Variants in CPAMD8 observed in about 807,000 individuals in gnomAD.
The protein encoded by CPAMD8 is C3 and PZP like alpha-2-macroglobulin domain containing 8.
A neutral mutation model predicts 224.7 loss-of-function variants in CPAMD8; 146 were observed. That is an observed-to-expected ratio of 0.65 (90% CI 0.57 to 0.75). The LOEUF is 0.75. Among genes scored for constraint, CPAMD8 ranks in the 30% least tolerant of loss-of-function variants. The probability of loss-of-function intolerance (pLI) is 0.00; values close to 1 mark genes in which losing one functional copy is unlikely to be tolerated. For synonymous variants in CPAMD8, 966 were observed against 1,044.6 expected (o/e 0.92, Z 1.45); for missense variants, 2,301 against 2,537.5 (o/e 0.91, Z 2.00).
intron 5 of CPAMD8, 172 bp from the exon 6 acceptor site, chr19:17,009,492 G>C: frequency 2.6e-6 from 3 of 1,160,998 alleles, no homozygotes; most frequent in Non-Finnish European, 3.6e-6. Flanking sequence ...TCTTTAGAAA[G>C]ACTCATTACA....
chr19:16,918,441 AC>A (rs1568473947), intron 27 of CPAMD8, among the ~76,000 whole-genome samples: 1 of 146,212 alleles, frequency 6.8e-6, no homozygotes. Flanking sequence ...AATTTTTAAA[AC>A]TTTTTTTTTT....
intron 23 of CPAMD8, among the ~76,000 whole-genome samples, chr19:16,934,106 T>C (rs1430242729): frequency 6.6e-6 from 1 of 152,192 alleles, no homozygotes; most frequent in Non-Finnish European, 1.5e-5. Context: ...TCCATTTATA[T>C]AACATTCTGG....
chr19:16,953,339 C>CAAAAAAAAAAAAA (rs80093904), intron 19 of CPAMD8, among the ~76,000 whole-genome samples: 1 of 94,384 alleles, frequency 1.1e-5, no homozygotes. Context: ...AAGGTACAAG[C>CAAAAAAAAAAAAA]AAAAAAAAAA....
At chr19:17,006,531 G>GAA (rs112672091) in intron 7 of CPAMD8, among the ~76,000 whole-genome samples, 2 of 134,466 alleles carry the variant, frequency 1.5e-5, no homozygotes, top group Non-Finnish European at 1.6e-5. Flanking sequence ...TGCCTCTTGA[G>GAA]AAAAAAAAAA....
intron 41 of CPAMD8, chr19:16,894,547 C>T (rs1262776271): frequency 2.2e-6 from 1 of 447,464 alleles, no homozygotes; most frequent in Non-Finnish European, 4.5e-6. Flanking sequence ...CTGCCACCTC[C>T]TCATTTAGAT....
At chr19:17,017,167 G>C (rs762623927) in intron 3 of CPAMD8, among the ~76,000 whole-genome samples, 3 of 152,164 alleles carry the variant, frequency 2.0e-5, no homozygotes, top group Non-Finnish European at 2.9e-5. Context: ...GTGCATGGGA[G>C]GGGTCTAGAT....
chr19:16,977,486 A>T lies in CPAMD8; in HGVS notation c.1640T>A (p.Leu547Gln). The change falls in exon 15 of 42, where the codon CTG (leucine) becomes CAG (glutamine). Residue 547 changes from leucine (L) to glutamine (Q), a missense_variant. Physicochemically the swap from Leu to Gln is moderately radical, Grantham distance 113 (BLOSUM62 -2). Around this residue, in one of 4 missense-constraint regions of CPAMD8, gnomAD observed 301 missense variants for 406.6 expected, o/e 0.74. Coordinates refer to ENST00000443236, the MANE Select transcript of CPAMD8 (RefSeq NM_015692.5). ...GGGGACCATGCTGGGGGTCACGGCC[A>T]GATGAAGAGAGGTCACACACACGTC... ...EVDVCVTSLH[L>Q]AVTPSMVPLG... 1 of 1,612,114 alleles carries T rather than the reference A, an allele frequency of 6.2e-7. No homozygotes were observed. Among genetic ancestry groups the T allele is most frequent in the Non-Finnish European group, 8.5e-7 (1 of 1,179,168 alleles).
At chr19:17,007,265 C>T (rs974708561) in intron 7 of CPAMD8, among the ~76,000 whole-genome samples, 1 of 151,336 alleles carries the variant, frequency 6.6e-6, no homozygotes, top group Non-Finnish European at 1.5e-5. Flanking sequence ...ACCCGGGAGG[C>T]GGAGGTGGCA....
Position 16,980,581 on chromosome 19 carries a change from G to A in CPAMD8, c.1501C>T (p.Pro501Ser), listed in dbSNP as rs370803727. 1.0e-4 allele frequency: 167 copies of A among 1,613,688 alleles called. No individual in the cohort carries two copies. The highest frequency in any genetic ancestry group is 1.6e-4 in the Middle Eastern group (1 of 6,084). ...RGNIVLSGQQ[P>S]AHTTQQRSKR... ...CTTCGCTGCTGGGTGGTGTGGGCAG[G>A]CTGCTGGCCCGATAGCACAATATTG... Residue 501 changes from proline (P) to serine (S), a missense_variant, in exon 14 of 42, where the codon CCT becomes TCT. Physicochemically the swap from Pro to Ser is moderately conservative, Grantham distance 74. This residue lies in a region of CPAMD8 where 301 missense variants were observed against 406.6 expected (regional missense o/e 0.74). Transcript: ENST00000443236.
rs780603810 is a variant in CPAMD8 at position 16,893,108 on chromosome 19, T to C, written c.5658A>G (p.Ter1886=). Residue 1886 remains the stop codon, a stop_retained_variant, in exon 42 of 42, where the codon TAA becomes TAG. Transcript: ENST00000443236. The part of the protein sequence containing the change: ...LWMSNTCTLR[*] ...CCCACAACTGCATGTGGTTGTAGGA[T>C]TATCTCAAGGTGCAGGTGTTTGACA... 2 of 1,325,048 alleles carry C rather than the reference T, an allele frequency of 1.5e-6. No homozygotes were observed. Among genetic ancestry groups the C allele is most frequent in the Admixed American group, 1.7e-5 (1 of 58,772 alleles). The allele number at this position is 1,325,048 out of a possible 1,614,324, so 82.1% of individuals were successfully genotyped here. A position where few individuals can be genotyped will look rare whatever the true frequency, so the allele number is the denominator to read the frequency against.
At chr19:16,962,598 A>G (rs1331699918) in intron 18 of CPAMD8, among the ~76,000 whole-genome samples, 1 of 152,220 alleles carries the variant, frequency 6.6e-6, no homozygotes, top group Non-Finnish European at 1.5e-5. Context: ...GGAGAATGGA[A>G]CCAAGTTGGA....
intron 14 of CPAMD8, among the ~76,000 whole-genome samples, chr19:16,978,819 C>T (rs768726983): frequency 2.6e-5 from 4 of 151,362 alleles, no homozygotes; most frequent in Non-Finnish European, 5.9e-5. Context: ...CCACCATCTA[C>T]CCATCCATCC....
At chr19:17,012,180 G>C (rs1391197937) in intron 3 of CPAMD8, among the ~76,000 whole-genome samples, 4 of 151,992 alleles carry the variant, frequency 2.6e-5, no homozygotes, top group Non-Finnish European at 1.5e-5. Flanking sequence ...CACCATGCCT[G>C]GCTAATTTTT....
intron 3 of CPAMD8, among the ~76,000 whole-genome samples, chr19:17,018,829 A>G (rs147386994): frequency 0.017 from 2,515 of 151,672 alleles, 30 homozygotes; most frequent in African/African-American, 0.029. Context: ...GAATCGCTTG[A>G]AACCAGGGTC....
chr19:16,904,683 A>C, intron 30 of CPAMD8, 131 bp from the exon 31 acceptor site: 1 of 693,864 alleles, frequency 1.4e-6, no homozygotes, highest in Non-Finnish European at 2.6e-6. Context: ...GTATCAGGGG[A>C]AGACAGCTGG....
At chr19:16,989,329 C>T (rs2055855190) in intron 13 of CPAMD8, among the ~76,000 whole-genome samples, 1 of 152,114 alleles carries the variant, frequency 6.6e-6, no homozygotes, top group Non-Finnish European at 1.5e-5. Flanking sequence ...CTTTGTCGCC[C>T]AGGCTGGAGT....
intron 36 of CPAMD8, 24 bp downstream of exon 36, chr19:16,901,186 C>G (rs754600808): frequency 6.4e-7 from 1 of 1,565,646 alleles, no homozygotes; most frequent in Non-Finnish European, 8.7e-7. Flanking sequence ...CCCTGCCCAC[C>G]GCTGCTCACC....
intron 3 of CPAMD8, among the ~76,000 whole-genome samples, chr19:17,014,547 A>G (rs2056760404): frequency 6.6e-6 from 1 of 152,214 alleles, no homozygotes; most frequent in South Asian, 2.1e-4. Flanking sequence ...ATGGACTCAC[A>G]GTTTCACGTG....
chr19:16,979,066 T>C (rs1407548324), intron 14 of CPAMD8, among the ~76,000 whole-genome samples: 1 of 149,244 alleles, frequency 6.7e-6, no homozygotes, highest in Non-Finnish European at 1.5e-5. Context: ...CATCCATCTA[T>C]TCTTCCATCC....
Sources: allele counts gnomAD v4.1 joint callset (sites outside exome capture counted in the v4.1 genomes callset), GRCh38; gene constraint gnomAD v4.1.1; regional missense constraint gnomAD v4.1.1; transcripts MANE v1.5; gene names NCBI Gene and HGNC (gene_info 2026-07-23, HGNC 2026-07-21).